The following PCDHGA10 variants were observed in gnomAD, a reference collection of about 807,000 sequenced individuals.
The protein encoded by PCDHGA10 is protocadherin gamma subfamily A, 10.
A neutral mutation model predicts 59.5 loss-of-function variants in PCDHGA10; 42 were observed. The ratio of observed to expected loss-of-function variants is 0.71; its 90% CI spans 0.55 to 0.91. The LOEUF is 0.91. Ranked by LOEUF, PCDHGA10 falls within the 40% of genes least tolerant of loss-of-function variation. PCDHGA10 has a pLI of 0.00. For missense variants in PCDHGA10, 1,111 were observed against 1,198.2 expected (o/e 0.93, Z 1.07); for synonymous variants, 511 against 517.2 (o/e 0.99, Z 0.16).
chr5:141,477,433 C>T lies in PCDHGA10; in HGVS notation c.2437-17374C>T, dbSNP rs1389102640. On this transcript the variant is annotated intron_variant, in intron 1 of 3. Transcript: ENST00000398610. The surrounding 1 kb of genome is among the most constrained non-coding windows in gnomAD (Gnocchi z 4.9). ...ACGCCGGAACCCCTTCCCTCTCAGCCCTTACAATAGTGCGTGTTCAAGTGT... is the reference window on the plus strand; with the variant it reads ...ACGCCGGAACCCCTTCCCTCTCAGCTCTTACAATAGTGCGTGTTCAAGTGT... 6.2e-7 allele frequency: 1 copy of T among 1,614,048 alleles called. No individual in the cohort carries two copies. The highest frequency in any genetic ancestry group is 2.2e-5 in the East Asian group (1 of 44,892).
In PCDHGA10 at chr5:141,420,282, T is replaced by C. The variant is rs543435018; in HGVS notation, c.2436+4671T>C. 2.1e-5 allele frequency: 31 copies of C among 1,510,188 alleles called. No homozygotes were observed. In the African/African-American group the frequency reaches 4.0e-4, roughly 20 times the overall value. 93.5% of individuals were successfully genotyped at this position (1,510,188 alleles called of 1,614,324 possible). On this transcript the variant is annotated intron_variant, in intron 1 of 3. Coordinates refer to ENST00000398610, the MANE Select transcript of PCDHGA10 (RefSeq NM_018913.3). ...AAGAAGATTCTTAAACAGGTAAGTA[T>C]TTAAAAATGTATTTAATCCTTTTTA...
intron 1 of PCDHGA10, chr5:141,427,212 C>T (rs2097000434): frequency 4.4e-6 from 2 of 456,702 alleles, no homozygotes; most frequent in Non-Finnish European, 8.8e-6. Flanking sequence ...CTTCGAATTT[C>T]GTAGCAGTTA....
chr5:141,430,383 G>GAA (rs139772145), intron 1 of PCDHGA10, among the ~76,000 whole-genome samples: 39 of 138,602 alleles, frequency 2.8e-4, no homozygotes, highest in African/African-American at 7.9e-4. Context: ...AGCTCATTGG[G>GAA]AAAAAAAAAA....
At position 141,413,115 on chromosome 5, in the gene PCDHGA10, A is replaced by C; in HGVS notation, c.-61A>C. 1 of 1,507,478 alleles carries C rather than the reference A, an allele frequency of 6.6e-7. No homozygotes were observed. Among genetic ancestry groups the C allele is most frequent in the Non-Finnish European group, 8.9e-7 (1 of 1,123,068 alleles). The allele number at this position is 1,507,478 out of a possible 1,614,324, so 93.4% of individuals were successfully genotyped here. A position where few individuals can be genotyped will look rare whatever the true frequency, so the allele number is the denominator to read the frequency against. On this transcript the variant is annotated 5_prime_UTR_variant, in exon 1 of 4. Transcript: ENST00000398610. ...CCTGAAGCCACAGAAAGACAAAGGAACCGGTTGAAACACACAACGTGTCCA... is the reference window on the plus strand; with the variant it reads ...CCTGAAGCCACAGAAAGACAAAGGACCCGGTTGAAACACACAACGTGTCCA...
chr5:141,414,308 T>C lies in PCDHGA10; in HGVS notation c.1133T>C (p.Leu378Ser). Residue 378 changes from leucine to serine, a missense_variant, in exon 1 of 4, where the codon TTA becomes TCA. Coordinates refer to ENST00000398610, the MANE Select transcript of PCDHGA10 (RefSeq NM_018913.3). ...TVVALLNVHD[L>S]DSEQNGQVTC... ...GTAGCCCTTTTAAATGTGCATGATT[T>C]AGACTCTGAGCAGAATGGACAGGTA... The C allele has an allele frequency of 6.2e-7, 1 of 1,613,764 alleles. No homozygotes were observed. Among genetic ancestry groups the C allele is most frequent in the Non-Finnish European group, 8.5e-7 (1 of 1,179,822 alleles).
Position 141,485,618 on chromosome 5 carries a change from G to A in PCDHGA10, c.2437-9189G>A, listed in dbSNP as rs2099616729. 2.5e-6 allele frequency: 4 copies of A among 1,612,092 alleles called. No individual in the cohort carries two copies. Among genetic ancestry groups the A allele is most frequent in the Non-Finnish European group, 3.4e-6 (4 of 1,178,672 alleles). On this transcript the variant is annotated intron_variant, in intron 1 of 3. Coordinates refer to ENST00000398610, the MANE Select transcript of PCDHGA10 (RefSeq NM_018913.3). This position sits in a 1 kb window ranked among gnomAD's most constrained non-coding sequence, Gnocchi z 5.7. The stretch of plus-strand genomic sequence containing the variant: ...GGAAATTGGGGAGGCAGCTCCTCCA[G>A]GACAGCGTTTCCCGTTGGAAAAGGC...
At chr5:141,504,743 G>A (rs924744762) in intron 2 of PCDHGA10, among the ~76,000 whole-genome samples, 5 of 151,982 alleles carry the variant, frequency 3.3e-5, no homozygotes, top group African/African-American at 9.7e-5. Context: ...GGAAGCCATT[G>A]AATTTTAGAA....
intron 1 of PCDHGA10, among the ~76,000 whole-genome samples, chr5:141,483,631 T>C (rs973545851): frequency 2.7e-5 from 4 of 149,022 alleles, no homozygotes; most frequent in African/African-American, 1.0e-4. Flanking sequence ...TGGGAGAAGG[T>C]ATAGAGGGGT....
In PCDHGA10 at chr5:141,486,661, G is replaced by T. The variant is rs373446844; in HGVS notation, c.2437-8146G>T. ...CGCTTATCTCCTACTCACTCCTGGA[G>T]CCCAGGAATCGAGATGTATCAGCTT... is the stretch of plus-strand genomic sequence containing the variant. On this transcript the variant is annotated intron_variant, in intron 1 of 3. Transcript: ENST00000398610. The surrounding 1 kb of genome is among the most constrained non-coding windows in gnomAD (Gnocchi z 5.0). 6.2e-6 allele frequency: 10 copies of T among 1,613,836 alleles called. No individual in the cohort carries two copies. Among genetic ancestry groups the T allele is most frequent in the African/African-American group, 4.0e-5 (3 of 74,918 alleles).
chr5:141,432,934 G>T lies in PCDHGA10; in HGVS notation c.2436+17323G>T, dbSNP rs377666802. 1.2e-6 allele frequency: 2 copies of T among 1,614,078 alleles called. No individual in the cohort carries two copies. The highest frequency in any genetic ancestry group is 1.3e-5 in the African/African-American group (1 of 74,940). On this transcript the variant is annotated intron_variant, in intron 1 of 3. Coordinates refer to ENST00000398610, the MANE Select transcript of PCDHGA10 (RefSeq NM_018913.3). This position sits in a 1 kb window ranked among gnomAD's most constrained non-coding sequence, Gnocchi z 6.0. ...GGCGCTGGCACAAGTCACGCCTGCT[G>T]CAGGCTTCAGGAGGCGGCTTGACAG...
intron 2 of PCDHGA10, among the ~76,000 whole-genome samples, chr5:141,496,206 A>C (rs2099766963): frequency 6.6e-6 from 1 of 152,126 alleles, no homozygotes; most frequent in South Asian, 2.1e-4. Context: ...TCAATCTGGT[A>C]TGAATTCCTG....
chr5:141,442,930 T>C (rs77210959), intron 1 of PCDHGA10, among the ~76,000 whole-genome samples: 6,420 of 152,302 alleles, frequency 0.042, 216 homozygotes, highest in African/African-American at 0.092. Flanking sequence ...TCATTTTCTA[T>C]TTAAGAAACT....
chr5:141,464,655 G>T (rs1326749316), intron 1 of PCDHGA10, among the ~76,000 whole-genome samples: 1 of 152,070 alleles, frequency 6.6e-6, no homozygotes. Flanking sequence ...TGGGTAAAAA[G>T]ATATCTCCAA....
At position 141,511,481 on chromosome 5, in the gene PCDHGA10, ACTC is replaced by A. The variant is rs2154594681; in HGVS notation, c.*313_*315del. On this transcript the variant is annotated 3_prime_UTR_variant, in exon 4 of 4. Coordinates refer to ENST00000398610, the MANE Select transcript of PCDHGA10 (RefSeq NM_018913.3). ...CCACACCCCGTTTAGTTACAGCTGAACTCCTCCATCTTCCAAATCAATCAGGCC... is the reference window on the plus strand; with the variant it reads ...CCACACCCCGTTTAGTTACAGCTGAACTCCATCTTCCAAATCAATCAGGCC... 2 of 464,080 alleles carry A rather than the reference ACTC, an allele frequency of 4.3e-6. No individual in the cohort carries two copies. The highest frequency in any genetic ancestry group is 7.7e-6 in the Non-Finnish European group (2 of 260,856). The allele number at this position is 464,080 out of a possible 1,614,324, so 28.7% of individuals were successfully genotyped here.
chr5:141,427,370 G>A (rs915167509), intron 1 of PCDHGA10: 17 of 457,836 alleles, frequency 3.7e-5, no homozygotes, highest in African/African-American at 2.4e-4. Flanking sequence ...AACCCTGGAC[G>A]GTGATCACTC....
At chr5:141,422,375 T>G (rs2096644332) in intron 1 of PCDHGA10, 3 of 1,570,696 alleles carry the variant, frequency 1.9e-6, no homozygotes, top group Admixed American at 1.9e-5. Flanking sequence ...AATGGTCAAG[T>G]CTCCTGTTTT....
At chr5:141,423,328 G>C (rs1308803675) in intron 1 of PCDHGA10, 1 of 1,614,194 alleles carries the variant, frequency 6.2e-7, no homozygotes, top group African/African-American at 1.3e-5. Flanking sequence ...GGTGGCCGCA[G>C]TCTCCTGCAT....
At chr5:141,452,046 T>C (rs767493861) in intron 1 of PCDHGA10, among the ~76,000 whole-genome samples, 1 of 152,242 alleles carries the variant, frequency 6.6e-6, no homozygotes, top group Non-Finnish European at 1.5e-5. Context: ...TAACTCCATT[T>C]GTAATAACTT....
rs553462245 is a variant in PCDHGA10 at position 141,511,198 on chromosome 5, A to T, written c.*25A>T. Reference sequence around the variant, plus strand: ...ACATGGAGGCCAGGCCAAGAGCCACAGGGCGGCCTCTCCCCAACCAGCCCA... The same window carrying T: ...ACATGGAGGCCAGGCCAAGAGCCACTGGGCGGCCTCTCCCCAACCAGCCCA... On this transcript the variant is annotated 3_prime_UTR_variant, in exon 4 of 4. Transcript: ENST00000398610. The T allele has an allele frequency of 2.7e-5, 43 of 1,612,954 alleles. 1 individual carries two copies. The South Asian group carries it at 4.5e-4, about 17-fold the overall frequency.
Sources: gnomAD v4.1 joint callset for allele counts (sites outside exome capture counted in the v4.1 genomes callset) on GRCh38, gnomAD v4.1.1 for gene constraint, Gnocchi (gnomAD v3.1) non-coding constraint, MANE v1.5 for transcripts, NCBI Gene and HGNC (gene_info 2026-07-23, HGNC 2026-07-21) for gene names.